The following PCDHA6 variants were observed in gnomAD, a reference collection of about 807,000 sequenced individuals.
PCDHA6 encodes the protein protocadherin alpha 6, also known as protocadherin alpha-6.
In PCDHA6, 55 loss-of-function variants were observed where a neutral mutation model predicts 60.3. The observed-to-expected ratio is 0.91, with a 90% CI of 0.73 to 1.14. The LOEUF (loss-of-function observed/expected upper bound fraction) is 1.14. PCDHA6 is among the 50% of genes most tolerant of loss of function. The probability of loss-of-function intolerance (pLI) is 0.00; values close to 1 mark genes in which losing one functional copy is unlikely to be tolerated. For synonymous variants in PCDHA6, 652 were observed against 557.9 expected, an observed-to-expected ratio of 1.17 and a Z score of -2.38; for missense variants, 1,327 against 1,256.5, an observed-to-expected ratio of 1.06 and a Z score of -0.85.
At chr5:141,003,870 C>A (rs1345140541) in intron 3 of PCDHA6, among the ~76,000 whole-genome samples, 8 of 152,148 alleles carry the variant, frequency 5.3e-5, no homozygotes, top group Admixed American at 3.9e-4. Flanking sequence ...GTCTGAAATC[C>A]TCCTTCTAGC....
intron 1 of PCDHA6, among the ~76,000 whole-genome samples, chr5:140,908,277 T>C (rs2073893618): frequency 6.6e-6 from 1 of 152,162 alleles, no homozygotes; most frequent in Non-Finnish European, 1.5e-5. Context: ...CATGAGGCCA[T>C]TGTTGCAAGC....
At chr5:140,885,274 AT>A (rs2153409165) in intron 1 of PCDHA6, among the ~76,000 whole-genome samples, 1 of 152,248 alleles carries the variant, frequency 6.6e-6, no homozygotes, top group South Asian at 2.1e-4. Context: ...ATACATATAT[AT>A]ATACATATAT....
At chr5:140,853,515 G>A in intron 1 of PCDHA6, 1 of 976,904 alleles carries the variant, frequency 1.0e-6, no homozygotes, top group Non-Finnish European at 1.2e-6. Context: ...CAATAATGAA[G>A]CTCCTCCTAT....
Position 140,850,922 on chromosome 5 carries a change from A to G in PCDHA6, c.2394+20437A>G, listed in dbSNP as rs1228404686. 21 of 1,525,242 alleles carry G rather than the reference A, an allele frequency of 1.4e-5. 3 individuals are homozygous for G. Among genetic ancestry groups the G allele is most frequent in the Non-Finnish European group, 1.9e-5 (21 of 1,134,594 alleles). The allele number at this position is 1,525,242 out of a possible 1,614,324, so 94.5% of individuals were successfully genotyped here. A position where few individuals can be genotyped will look rare whatever the true frequency, so the allele number is the denominator to read the frequency against. ...TTTCTAGCATTTTATTTATTTATATAATTTTTTTTCTTGAAAGATATTATC... is the reference window on the plus strand; with the variant it reads ...TTTCTAGCATTTTATTTATTTATATGATTTTTTTTCTTGAAAGATATTATC... On this transcript the variant is annotated intron_variant, in intron 1 of 3. Transcript: ENST00000529310.
chr5:140,831,138 T>G (rs1208993526), intron 1 of PCDHA6: 1 of 152,186 alleles, frequency 6.6e-6, no homozygotes, highest in Admixed American at 6.6e-5. Flanking sequence ...GGTTATTGAT[T>G]TATTTACTAC....
intron 1 of PCDHA6, among the ~76,000 whole-genome samples, chr5:140,896,268 A>T (rs2065469707): frequency 6.6e-6 from 1 of 152,150 alleles, no homozygotes; most frequent in African/African-American, 2.4e-5. Context: ...CAGTTATGGG[A>T]TTTGCTGGCT....
chr5:141,001,943 A>G (rs1197227753), intron 3 of PCDHA6, among the ~76,000 whole-genome samples: 1 of 147,256 alleles, frequency 6.8e-6, no homozygotes, highest in African/African-American at 2.7e-5. Flanking sequence ...GAGCGGAAAT[A>G]AGGAGGAGGG....
At chr5:140,997,668 T>TTGTGTGTGTG (rs35184029) in intron 3 of PCDHA6, among the ~76,000 whole-genome samples, 47 of 148,344 alleles carry the variant, frequency 3.2e-4, no homozygotes, top group East Asian at 1.8e-3. Flanking sequence ...ATTATACAGC[T>TTGTGTGTGTG]TGTGTGTGTG....
At chr5:140,851,471 A>C in intron 1 of PCDHA6, 1 of 893,552 alleles carries the variant, frequency 1.1e-6, no homozygotes, top group African/African-American at 1.8e-5. Context: ...ATGTCAATAA[A>C]TGTTATAAAC....
chr5:140,884,217 T>A (rs782181432), intron 1 of PCDHA6: 4 of 1,613,448 alleles, frequency 2.5e-6, no homozygotes, highest in Non-Finnish European at 3.4e-6. Flanking sequence ...CTTCTGGTGC[T>A]GGTGAAGGAC....
At chr5:140,931,507 T>C (rs564431042) in intron 1 of PCDHA6, among the ~76,000 whole-genome samples, 1 of 152,016 alleles carries the variant, frequency 6.6e-6, no homozygotes, top group African/African-American at 2.4e-5. Flanking sequence ...TTTAAACATA[T>C]ATGAATGATT....
At chr5:140,837,494 T>C (rs2150275990) in intron 1 of PCDHA6, among the ~76,000 whole-genome samples, 2,176 of 141,154 alleles carry the variant, frequency 0.015, 60 homozygotes, top group African/African-American at 0.056. Flanking sequence ...ACTTTACCTT[T>C]CTGAATTTCT....
At chr5:141,006,978 T>C (rs2098297277) in intron 3 of PCDHA6, among the ~76,000 whole-genome samples, 1 of 152,090 alleles carries the variant, frequency 6.6e-6, no homozygotes, top group African/African-American at 2.4e-5. Context: ...CACAGAGAGA[T>C]GTGGGCTTAA....
intron 1 of PCDHA6, chr5:140,852,664 G>A (rs1307508258): frequency 4.1e-6 from 4 of 964,750 alleles, no homozygotes; most frequent in African/African-American, 1.8e-5. Flanking sequence ...CTGTCTATCA[G>A]CACAACTCAC....
chr5:140,969,283 T>A, intron 1 of PCDHA6: 61 of 1,614,200 alleles, frequency 3.8e-5, no homozygotes, highest in Non-Finnish European at 5.2e-5. Flanking sequence ...GTGGTCAGAA[T>A]GCTGGGAACC....
chr5:140,853,245 C>T lies in PCDHA6; in HGVS notation c.2394+22760C>T. On this transcript the variant is annotated intron_variant, in intron 1 of 3. Coordinates refer to ENST00000529310, the MANE Select transcript of PCDHA6 (RefSeq NM_018909.4). ...TGGTAATTTAGTCCTTCATATTAAT[C>T]TCTATTCTCTCTCAGAGTACAAGCT... The T allele has an allele frequency of 2.1e-6, 2 of 975,340 alleles. 1 individual carries two copies. The highest frequency in any genetic ancestry group is 2.5e-6 in the Non-Finnish European group (2 of 808,438). The allele number at this position is 975,340 out of a possible 1,614,324, so 60.4% of individuals were successfully genotyped here.
intron 1 of PCDHA6, chr5:140,854,285 T>C (rs888416864): frequency 1.9e-6 from 1 of 521,658 alleles, no homozygotes; most frequent in Admixed American, 6.5e-5. Flanking sequence ...GAGTTTAGTT[T>C]TTATTATTTT....
At chr5:140,963,952 G>T (rs1466185819) in intron 1 of PCDHA6, among the ~76,000 whole-genome samples, 1 of 152,176 alleles carries the variant, frequency 6.6e-6, no homozygotes, top group Non-Finnish European at 1.5e-5. Context: ...TTAGTCACTG[G>T]CAGGAGTGTG....
intron 1 of PCDHA6, among the ~76,000 whole-genome samples, chr5:140,840,437 GAAATAGAAACGTTAAATAA>G (rs1776700709): frequency 6.6e-6 from 1 of 151,948 alleles, no homozygotes; most frequent in Non-Finnish European, 1.5e-5. Context: ...TAAAGCCGTG[GAAATAGAAACGTTAAATAA>G]AAAGTTGGGG....
Sources: gnomAD v4.1 joint callset for allele counts (sites outside exome capture counted in the v4.1 genomes callset) on GRCh38, gnomAD v4.1.1 for gene constraint, MANE v1.5 for transcripts, NCBI Gene and HGNC (gene_info 2026-07-23, HGNC 2026-07-21) for gene names.